Variants in PRKN observed in about 807,000 individuals in gnomAD.
PRKN encodes the protein parkin RBR E3 ubiquitin protein ligase, also known as E3 ubiquitin-protein ligase parkin.
A neutral mutation model predicts 59.5 loss-of-function variants in PRKN; 56 were observed. The ratio of observed to expected loss-of-function variants is 0.94; its 90% CI spans 0.76 to 1.18. PRKN has a LOEUF of 1.18. Ranked by LOEUF, PRKN falls within the 50% of genes most tolerant of loss-of-function variation. The probability of loss-of-function intolerance (pLI) is 0.00; values close to 1 mark genes in which losing one functional copy is unlikely to be tolerated. For missense variants in PRKN, 657 were observed against 596.4 expected, an observed-to-expected ratio of 1.10 and a Z score of -1.06; for synonymous variants, 250 against 222.1, an observed-to-expected ratio of 1.13 and a Z score of -1.12.
intron 7 of PRKN, among the ~76,000 whole-genome samples, chr6:161,573,636 T>C (rs1251105852): frequency 1.1e-4 from 16 of 141,604 alleles, no homozygotes; most frequent in Admixed American, 2.9e-4. Flanking sequence ...AGGAGAATGG[T>C]GTGAACCCGG....
At chr6:161,900,253 C>G (rs1031560835) in intron 6 of PRKN, among the ~76,000 whole-genome samples, 6 of 150,848 alleles carry the variant, frequency 4.0e-5, no homozygotes, top group African/African-American at 1.5e-4. Context: ...TTGGACTATG[C>G]ACCGTGCAGG....
At position 162,237,989 on chromosome 6, in the gene PRKN, G is replaced by A. The variant is rs555618492; in HGVS notation, c.412+24536C>T. Among the ~76,000 whole-genome samples the A allele has an allele frequency of 1.3e-3, 196 of 152,212 alleles. 1 individual carries two copies. Among genetic ancestry groups the A allele is most frequent in the African/African-American group, 4.3e-3 (180 of 41,530 alleles). On this transcript the variant is annotated intron_variant, in intron 3 of 11. Coordinates refer to ENST00000366898, the MANE Select transcript of PRKN (RefSeq NM_004562.3). ...GTGGTAGGTTACAAAGAAGCCATGA[G>A]GAAGAAATAGGAAACCTGAATTGTA...
chr6:161,674,517 A>C (rs1785019713), intron 7 of PRKN, among the ~76,000 whole-genome samples: 1 of 152,154 alleles, frequency 6.6e-6, no homozygotes, highest in Non-Finnish European at 1.5e-5. Flanking sequence ...CTGAAATCAC[A>C]ATGTATCATA....
intron 4 of PRKN, among the ~76,000 whole-genome samples, chr6:162,145,313 G>A (rs1215025042): frequency 6.6e-6 from 1 of 152,126 alleles, no homozygotes; most frequent in Non-Finnish European, 1.5e-5. Context: ...TCAGAATAAG[G>A]ATATGTAGAA....
chr6:162,157,961 A>T (rs1477235753), intron 4 of PRKN, among the ~76,000 whole-genome samples: 1 of 151,988 alleles, frequency 6.6e-6, no homozygotes, highest in East Asian at 1.9e-4. Flanking sequence ...TTAATTTAAT[A>T]TCTGAATTCA....
At chr6:161,676,518 G>T (rs1785092352) in intron 7 of PRKN, among the ~76,000 whole-genome samples, 1 of 152,284 alleles carries the variant, frequency 6.6e-6, no homozygotes, top group South Asian at 2.1e-4. Context: ...AAATTCAAAT[G>T]TCAGTGTCTG....
chr6:162,686,033 T>A (rs1162021952), intron 1 of PRKN, among the ~76,000 whole-genome samples: 1 of 152,132 alleles, frequency 6.6e-6, no homozygotes, highest in Non-Finnish European at 1.5e-5. Context: ...CAGATAGGAC[T>A]CCTTTCAAGC....
chr6:161,829,381 T>C (rs1792383118), intron 6 of PRKN, among the ~76,000 whole-genome samples: 1 of 152,172 alleles, frequency 6.6e-6, no homozygotes, highest in South Asian at 2.1e-4. Flanking sequence ...CTGGTGGCAT[T>C]GTGTTTCGTG....
chr6:161,779,674 C>CT (rs913239814), intron 7 of PRKN, among the ~76,000 whole-genome samples: 2 of 151,926 alleles, frequency 1.3e-5, no homozygotes, highest in African/African-American at 4.8e-5. Context: ...CATGCCTAGC[C>CT]TCAAGTGATC....
At chr6:162,362,847 G>A (rs1245958116) in intron 2 of PRKN, among the ~76,000 whole-genome samples, 1 of 152,068 alleles carries the variant, frequency 6.6e-6, no homozygotes, top group Non-Finnish European at 1.5e-5. Context: ...TGTTTCCCCT[G>A]GCCAGGCGCA....
At position 162,510,171 on chromosome 6, in the gene PRKN, A is replaced by G. The variant is rs112834302; in HGVS notation, c.8-66698T>C. ...GTCGGCACCCAACACCGACACCTCT[A>G]CGTTCACTAAATAGACGTTTTTATT... On this transcript the variant is annotated intron_variant, in intron 1 of 11. Coordinates refer to ENST00000366898, the MANE Select transcript of PRKN (RefSeq NM_004562.3). 4.3e-3 allele frequency among the ~76,000 whole-genome samples: 652 copies of G among 152,300 alleles called. 3 individuals are homozygous for G. The highest frequency in any genetic ancestry group is 6.8e-3 in the Middle Eastern group (2 of 294).
chr6:162,596,726 T>C (rs779491676), intron 1 of PRKN, among the ~76,000 whole-genome samples: 55 of 152,244 alleles, frequency 3.6e-4, no homozygotes, highest in Middle Eastern at 3.4e-3. Context: ...TAGAACCCAA[T>C]AGGCATTTAA....
chr6:161,550,265 G>C lies in PRKN; in HGVS notation c.934-1262C>G, dbSNP rs939615415. Among the ~76,000 whole-genome samples, 1 of 152,232 alleles carries C rather than the reference G, an allele frequency of 6.6e-6. No individual in the cohort carries two copies. Among genetic ancestry groups the C allele is most frequent in the Non-Finnish European group, 1.5e-5 (1 of 68,048 alleles). On this transcript the variant is annotated intron_variant, in intron 8 of 11. Transcript: ENST00000366898. The surrounding 1 kb of genome is among the most constrained non-coding windows in gnomAD (Gnocchi z 4.0). ...AAGTTGGAGAGTTTGTGAGGATCTA[G>C]AATATGTAGTTCCCTGACAGCTGCT... is the stretch of plus-strand genomic sequence containing the variant.
At chr6:161,476,919 G>C (rs945023687) in intron 9 of PRKN, among the ~76,000 whole-genome samples, 4 of 152,234 alleles carry the variant, frequency 2.6e-5, no homozygotes, top group African/African-American at 9.6e-5. Flanking sequence ...CAGAAAAACT[G>C]GTGGGCGAGC....
intron 4 of PRKN, among the ~76,000 whole-genome samples, chr6:162,186,376 C>T (rs1202711924): frequency 6.6e-6 from 1 of 151,114 alleles, no homozygotes; most frequent in African/African-American, 2.4e-5. Context: ...CCTTTTCTTC[C>T]AAACATGGGC....
chr6:162,139,494 G>A (rs949362523), intron 4 of PRKN, among the ~76,000 whole-genome samples: 2 of 152,164 alleles, frequency 1.3e-5, no homozygotes, highest in Admixed American at 1.3e-4. Flanking sequence ...GACGTCGGGT[G>A]TGGGAAGGGC....
In PRKN at chr6:162,088,398, T is replaced by C. The variant is rs548699382; in HGVS notation, c.535-34224A>G. Among the ~76,000 whole-genome samples, 13 of 152,310 alleles carry C rather than the reference T, an allele frequency of 8.5e-5. No individual in the cohort carries two copies. The South Asian group carries it at 1.2e-3, about 15-fold the overall frequency. On this transcript the variant is annotated intron_variant, in intron 4 of 11. Transcript: ENST00000366898. ...AAACAGTAAATGAATAACAGATAGC[T>C]AGTTTTAAAATTTACTGGATATTTT...
chr6:162,633,634 G>C (rs984223345), intron 1 of PRKN, among the ~76,000 whole-genome samples: 3 of 151,930 alleles, frequency 2.0e-5, no homozygotes, highest in African/African-American at 7.3e-5. Flanking sequence ...CCTGAGTTTT[G>C]TCCCACTTGC....
intron 7 of PRKN, among the ~76,000 whole-genome samples, chr6:161,720,054 G>A (rs915269672): frequency 1.3e-5 from 2 of 152,168 alleles, no homozygotes; most frequent in Non-Finnish European, 2.9e-5. Flanking sequence ...GTCTTACTAG[G>A]ATTACAGCAC....
Sources: gnomAD v4.1 joint callset for allele counts (sites outside exome capture counted in the v4.1 genomes callset) on GRCh38, gnomAD v4.1.1 for gene constraint, Gnocchi (gnomAD v3.1) non-coding constraint, MANE v1.5 for transcripts, NCBI Gene and HGNC (gene_info 2026-07-23, HGNC 2026-07-21) for gene names.